The following CCDC6 variants were observed in gnomAD, a reference collection of about 807,000 sequenced individuals.
The protein encoded by CCDC6 is coiled-coil domain containing 6, also known as coiled-coil domain-containing protein 6.
CCDC6 carries 20 observed loss-of-function variants against 56.6 expected under a neutral mutation model. The observed-to-expected ratio is 0.35, with a 90% confidence interval of 0.25 to 0.51. The LOEUF (loss-of-function observed/expected upper bound fraction) is 0.51. Ranked by LOEUF, CCDC6 falls within the 20% of genes least tolerant of loss-of-function variation. CCDC6 has a pLI of 0.95. For synonymous variants in CCDC6, 241 were observed against 234.4 expected, an observed-to-expected ratio of 1.03 and a Z score of -0.26; for missense variants, 367 against 601.1, an observed-to-expected ratio of 0.61 and a Z score of 4.07.
At chr10:59,835,902 G>A (rs1421528400) in intron 2 of CCDC6, among the ~76,000 whole-genome samples, 1 of 151,852 alleles carries the variant, frequency 6.6e-6, no homozygotes, top group Non-Finnish European at 1.5e-5. Flanking sequence ...TACAAAAAAA[G>A]ATTAGCTGGA....
At chr10:59,824,793 A>G (rs983977234) in intron 3 of CCDC6, among the ~76,000 whole-genome samples, 4 of 152,166 alleles carry the variant, frequency 2.6e-5, no homozygotes, top group African/African-American at 9.7e-5. Context: ...TTGTTTTCCA[A>G]ACTGTCTTGA....
chr10:59,885,398 A>G (rs2132678235), intron 1 of CCDC6, among the ~76,000 whole-genome samples: 1 of 152,318 alleles, frequency 6.6e-6, no homozygotes, highest in Non-Finnish European at 1.5e-5. Context: ...CAACTAAAGA[A>G]AGTTCTAGAC....
intron 1 of CCDC6, among the ~76,000 whole-genome samples, chr10:59,880,358 G>C (rs1471614027): frequency 2.6e-5 from 4 of 152,182 alleles, no homozygotes; most frequent in Non-Finnish European, 5.9e-5. Flanking sequence ...TAGGTTCTAA[G>C]ACCCAATCTC....
At chr10:59,832,046 G>A (rs1017792700) in intron 3 of CCDC6, among the ~76,000 whole-genome samples, 53 of 152,340 alleles carry the variant, frequency 3.5e-4, no homozygotes, top group African/African-American at 1.2e-3. Flanking sequence ...GAGTTACCAA[G>A]TCTATGACTC....
At chr10:59,798,082 G>C (rs1410863002) in intron 7 of CCDC6, among the ~76,000 whole-genome samples, 1 of 152,220 alleles carries the variant, frequency 6.6e-6, no homozygotes, top group Non-Finnish European at 1.5e-5. Flanking sequence ...AATGTGGCTA[G>C]CTTTCTTTAC....
chr10:59,846,449 T>C (rs931889850), intron 2 of CCDC6, among the ~76,000 whole-genome samples: 1 of 152,234 alleles, frequency 6.6e-6, no homozygotes, highest in African/African-American at 2.4e-5. Flanking sequence ...CTCTCTCATC[T>C]TTCCATAGAT....
rs573705914 is a variant in CCDC6, at chr10:59,900,614, A to C, written c.303+5508T>G. Among the ~76,000 whole-genome samples, 4 of 152,308 alleles carry C rather than the reference A, an allele frequency of 2.6e-5. No homozygotes were observed. The South Asian group carries it at 8.3e-4, about 32-fold the overall frequency. ...CAATGGGGAGTCATTCAATATGTTT[A>C]AGCAAGCAATGGCTACCTTCAATTT... On this transcript the variant is annotated intron_variant, in intron 1 of 8. Coordinates refer to ENST00000263102, the MANE Select transcript of CCDC6 (RefSeq NM_005436.5).
intron 7 of CCDC6, among the ~76,000 whole-genome samples, chr10:59,804,092 C>A (rs1351271892): frequency 6.6e-6 from 1 of 152,050 alleles, no homozygotes; most frequent in Admixed American, 6.5e-5. Flanking sequence ...TCTTGGAAAT[C>A]TACCTAAGGC....
intron 1 of CCDC6, among the ~76,000 whole-genome samples, chr10:59,857,933 T>A (rs1007975229): frequency 1.3e-5 from 2 of 152,184 alleles, no homozygotes; most frequent in Admixed American, 6.5e-5. Context: ...AAACTTGTTC[T>A]GTTTAAACTG....
chr10:59,829,556 T>C (rs895731402), intron 3 of CCDC6, among the ~76,000 whole-genome samples: 1 of 152,068 alleles, frequency 6.6e-6, no homozygotes, highest in African/African-American at 2.4e-5. Context: ...AATTGATGAG[T>C]GTGGTATATC....
chr10:59,796,904 G>A (rs959507185), intron 7 of CCDC6, among the ~76,000 whole-genome samples: 4 of 151,436 alleles, frequency 2.6e-5, no homozygotes, highest in Admixed American at 6.6e-5. Context: ...TCGGGAGGCG[G>A]AGCTTGCAGT....
At chr10:59,797,789 A>T (rs1486988288) in intron 7 of CCDC6, among the ~76,000 whole-genome samples, 1 of 151,874 alleles carries the variant, frequency 6.6e-6, no homozygotes, top group Non-Finnish European at 1.5e-5. Context: ...AAGCCCTGCC[A>T]ATGTTCCCTA....
chr10:59,854,345 A>T (rs1349176594), intron 1 of CCDC6, among the ~76,000 whole-genome samples: 2 of 152,140 alleles, frequency 1.3e-5, no homozygotes, highest in Non-Finnish European at 2.9e-5. Flanking sequence ...AGCTTCTGAT[A>T]CTGCTTGCTG....
At position 59,856,345 on chromosome 10, in the gene CCDC6, T is replaced by TA. The variant is rs59039796; in HGVS notation, c.304-3644dup. On this transcript the variant is annotated intron_variant, in intron 1 of 8. Transcript: ENST00000263102. ...ATGCTATATCCAATACAGCCTTAGG[T>TA]AAAAAAAAAAAAAAAAATTAAATGG... is the stretch of plus-strand genomic sequence containing the variant. Among the ~76,000 whole-genome samples the TA allele has an allele frequency of 2.0e-3, 269 of 137,668 alleles. 2 individuals are homozygous for TA. The highest frequency in any genetic ancestry group is 6.9e-3 in the South Asian group (30 of 4,340). 90.3% of individuals were successfully genotyped at this position (137,668 alleles called of 152,430 possible).
chr10:59,812,590 A>C, intron 5 of CCDC6, 45 bp downstream of exon 5: 1 of 1,413,716 alleles, frequency 7.1e-7, no homozygotes, highest in African/African-American at 1.4e-5. Flanking sequence ...TGGTAAAGTT[A>C]TTAATTCTAC....
intron 7 of CCDC6, among the ~76,000 whole-genome samples, chr10:59,798,970 C>T (rs907406622): frequency 6.7e-5 from 8 of 119,278 alleles, no homozygotes; most frequent in East Asian, 2.6e-4. Context: ...CTCCAGCCTG[C>T]GCGACAGAGC....
At position 59,791,000 on chromosome 10, in the gene CCDC6, A is replaced by G; in HGVS notation, c.*1917T>C. On this transcript the variant is annotated 3_prime_UTR_variant, in exon 9 of 9. Transcript: ENST00000263102. ...TCCTATAAGAAAAACTGAGAACTGT[A>G]CCATGAAGGCAAAATTTGTTTGCCT... The G allele has an allele frequency of 4.9e-6, 1 of 205,204 alleles. No individual in the cohort carries two copies. The highest frequency in any genetic ancestry group is 1.0e-5 in the Non-Finnish European group (1 of 100,208). 12.7% of individuals were successfully genotyped at this position (205,204 alleles called of 1,614,324 possible). A position where few individuals can be genotyped will look rare whatever the true frequency, so the allele number is the denominator to read the frequency against.
Position 59,814,633 on chromosome 10 carries a change from A to G in CCDC6, c.686+19T>C. The G allele has an allele frequency of 6.6e-7, 1 of 1,504,000 alleles. No homozygotes were observed. Among genetic ancestry groups the G allele is most frequent in the Admixed American group, 1.7e-5 (1 of 59,808 alleles). 93.2% of individuals were successfully genotyped at this position (1,504,000 alleles called of 1,614,324 possible). A position where few individuals can be genotyped will look rare whatever the true frequency, so the allele number is the denominator to read the frequency against. ...ACACACACACACACACCCATACTGA[A>G]CAGCAAGACTAAACAAACCGCTTTT... On this transcript the variant is annotated intron_variant, in intron 4 of 8. Transcript: ENST00000263102.
chr10:59,897,088 A>AT (rs2071469343), intron 1 of CCDC6, among the ~76,000 whole-genome samples: 1 of 152,082 alleles, frequency 6.6e-6, no homozygotes, highest in African/African-American at 2.4e-5. Flanking sequence ...CACCTAGTCA[A>AT]TTTTTTCCTC....
Sources: gnomAD v4.1 joint callset for allele counts (sites outside exome capture counted in the v4.1 genomes callset) on GRCh38, gnomAD v4.1.1 for gene constraint, MANE v1.5 for transcripts, NCBI Gene and HGNC (gene_info 2026-07-23, HGNC 2026-07-21) for gene names.